Variants in ZNF106 observed in about 807,000 individuals in gnomAD.
The protein encoded by ZNF106 is zinc finger protein 106.
Under a neutral mutation model 195.1 loss-of-function variants are expected in ZNF106, and 67 were observed. The observed-to-expected ratio is 0.34, with a 90% CI of 0.28 to 0.42. The LOEUF is 0.42. Among genes scored for constraint, ZNF106 ranks in the 10% least tolerant of loss-of-function variants. The pLI is 1.00. For missense variants in ZNF106, 2,118 were observed against 2,304.5 expected (o/e 0.92, Z 1.66); for synonymous variants, 784 against 818.6 (o/e 0.96, Z 0.72).
intron 3 of ZNF106, 170 bp from the exon 4 acceptor site, chr15:42,457,328 G>A: frequency 1.4e-6 from 2 of 1,471,832 alleles, no homozygotes; most frequent in South Asian, 3.0e-5. Context: ...TTGTTTATAA[G>A]TTACTTTTGA....
chr15:42,472,295 C>T lies in ZNF106; in HGVS notation c.-6G>A. On this transcript the variant is annotated 5_prime_UTR_variant, in exon 2 of 22. Transcript: ENST00000564754. ...CATTTTCGTTCTCGTACCATAGTGACCAGATCTGAAGCACTCAACGTCACA... is the reference window on the plus strand; with the variant it reads ...CATTTTCGTTCTCGTACCATAGTGATCAGATCTGAAGCACTCAACGTCACA... 6.5e-7 allele frequency: 1 copy of T among 1,535,632 alleles called. No individual in the cohort carries two copies. The highest frequency in any genetic ancestry group is 8.7e-7 in the Non-Finnish European group (1 of 1,146,670).
chr15:42,452,997 T>G (rs2056100991), intron 4 of ZNF106, among the ~76,000 whole-genome samples: 1 of 152,094 alleles, frequency 6.6e-6, no homozygotes, highest in Non-Finnish European at 1.5e-5. Flanking sequence ...CCCGGCCTAG[T>G]TATCATATTT....
At chr15:42,463,138 C>G (rs1206928946) in intron 3 of ZNF106, among the ~76,000 whole-genome samples, 1 of 152,002 alleles carries the variant, frequency 6.6e-6, no homozygotes, top group Non-Finnish European at 1.5e-5. Context: ...TTAGTGACGT[C>G]TGAAATAAAT....
At chr15:42,454,732 AT>A (rs933200192) in intron 4 of ZNF106, among the ~76,000 whole-genome samples, 4 of 151,214 alleles carry the variant, frequency 2.6e-5, no homozygotes, top group African/African-American at 7.3e-5. Context: ...AAAAATAAAA[AT>A]AAAAAAAAAA....
Position 42,448,477 on chromosome 15 carries a change from C to T in ZNF106, c.2730G>A (p.Glu910=), listed in dbSNP as rs941079980. 2 of 1,614,124 alleles carry T rather than the reference C, an allele frequency of 1.2e-6. No individual in the cohort carries two copies. Among genetic ancestry groups the T allele is most frequent in the East Asian group, 2.2e-5 (1 of 44,882 alleles). Residue 910 remains glutamate (E), a synonymous_variant, in exon 6 of 22, where the codon GAG becomes GAA. Transcript: ENST00000564754. ...FSEEGTGKEN[E]PQQMVSPSNS... is the part of the protein sequence containing the mutation. ...TACTAGGTGAAACCATCTGCTGGGG[C>T]TCATTTTCTTTGCCTGTACCTTCCT...
At position 42,444,228 on chromosome 15, in the gene ZNF106, C is replaced by A. The variant is rs748672396; in HGVS notation, c.3395G>T (p.Arg1132Ile). The change falls in exon 9 of 22, where the codon AGA (arginine) becomes ATA (isoleucine). Residue 1132 changes from arginine (R) to isoleucine (I), a missense_variant. Physicochemically the swap from Arg to Ile is moderately conservative, Grantham distance 97. Transcript: ENST00000564754. ...TMEMSALRTH[R>I]IQILQGLQET... ...TTGTAATCCCTGTAGAATCTGTATT[C>A]TATGGGTCCTCAGTGCACTCATCTC... 1 of 1,597,814 alleles carries A rather than the reference C, an allele frequency of 6.3e-7. No homozygotes were observed. Among genetic ancestry groups the A allele is most frequent in the Non-Finnish European group, 8.5e-7 (1 of 1,170,008 alleles).
chr15:42,474,697 G>A (rs940210372), intron 1 of ZNF106, among the ~76,000 whole-genome samples: 1 of 152,062 alleles, frequency 6.6e-6, no homozygotes, highest in Admixed American at 6.6e-5. Context: ...GTTATAATGA[G>A]CTATGATTGT....
chr15:42,434,795 C>T (rs369326706), intron 14 of ZNF106, among the ~76,000 whole-genome samples: 65 of 138,054 alleles, frequency 4.7e-4, no homozygotes, highest in African/African-American at 1.5e-3. Context: ...TTTCCTGAGA[C>T]GGAGCTTCGC....
chr15:42,416,134 G>C lies in ZNF106; in HGVS notation c.*1170C>G, dbSNP rs1234892983. On this transcript the variant is annotated 3_prime_UTR_variant, in exon 22 of 22. Transcript: ENST00000564754. Reference sequence around the variant, plus strand: ...AAATCCAAAAACAAAGCCCCACTGAGGGTTTGTGAATTTGGCTGTTCTCAG... The same window carrying C: ...AAATCCAAAAACAAAGCCCCACTGACGGTTTGTGAATTTGGCTGTTCTCAG... 2 of 152,204 alleles carry C rather than the reference G, an allele frequency of 1.3e-5. No individual in the cohort carries two copies. The highest frequency in any genetic ancestry group is 2.9e-5 in the Non-Finnish European group (2 of 68,048). The allele number at this position is 152,204 out of a possible 1,614,324, so 9.4% of individuals were successfully genotyped here.
chr15:42,433,167 G>A (rs1290252452), intron 14 of ZNF106, among the ~76,000 whole-genome samples: 1 of 146,776 alleles, frequency 6.8e-6, no homozygotes, highest in South Asian at 2.2e-4. Context: ...GTGCAGTGGC[G>A]CAATCTCGGC....
At position 42,441,704 on chromosome 15, in the gene ZNF106, G is replaced by T. The variant is rs145095578; in HGVS notation, c.3763+369C>A. The T allele has an allele frequency of 6.0e-3, 971 of 162,638 alleles. 8 individuals carry two copies. Among genetic ancestry groups the T allele is most frequent in the African/African-American group, 0.022 (930 of 41,746 alleles). 10.1% of individuals were successfully genotyped at this position (162,638 alleles called of 1,614,324 possible). A position where few individuals can be genotyped will look rare whatever the true frequency, so the allele number is the denominator to read the frequency against. On this transcript the variant is annotated intron_variant, in intron 10 of 21. Transcript: ENST00000564754. The stretch of plus-strand genomic sequence containing the variant: ...CCTGGTTTGTATTTGAGATTATATA[G>T]ACAGTAAGTGCAAAGAAATTCAGAG...
rs775385418 is a variant in ZNF106 at position 42,437,248 on chromosome 15, C to T, written c.4730G>A (p.Arg1577Gln). 51 of 1,612,116 alleles carry T rather than the reference C, an allele frequency of 3.2e-5. No individual in the cohort carries two copies. Among genetic ancestry groups the T allele is most frequent in the Non-Finnish European group, 3.8e-5 (45 of 1,179,240 alleles). ...LYTCSADKTV[R>Q]VYNLVSRKCI... ...TCAACTTACCACCAGATTATAAACCCGAACAGTTTTATCTGCTGAACAGGT... is the reference window on the plus strand; with the variant it reads ...TCAACTTACCACCAGATTATAAACCTGAACAGTTTTATCTGCTGAACAGGT... The change falls in exon 13 of 22, where the codon CGG becomes CAG. Residue 1577 changes from arginine (R) to glutamine (Q), a missense_variant. Arg to Gln is a conservative substitution (Grantham distance 43). Coordinates refer to ENST00000564754, the MANE Select transcript of ZNF106 (RefSeq NM_001366845.3).
chr15:42,458,310 T>C (rs1037016244), intron 3 of ZNF106, among the ~76,000 whole-genome samples: 4 of 150,074 alleles, frequency 2.7e-5, no homozygotes, highest in East Asian at 3.9e-4. Flanking sequence ...TAACTAGACA[T>C]AGGCAGAATT....
chr15:42,442,550 C>T (rs1013798292), intron 9 of ZNF106, 136 bp from the exon 10 acceptor site: 1 of 660,908 alleles, frequency 1.5e-6, no homozygotes, highest in African/African-American at 1.8e-5. Context: ...TCATAATTCT[C>T]CGAAATATGG....
rs1400460101 is a variant in ZNF106 at position 42,484,413 on chromosome 15, T to C, written c.-33+6567A>G. 4.1e-4 allele frequency among the ~76,000 whole-genome samples: 62 copies of C among 152,308 alleles called. 1 individual carries two copies. On this transcript the variant is annotated intron_variant, in intron 1 of 21. Transcript: ENST00000564754. Reference sequence around the variant, plus strand: ...TATTAGAAGAATAAAACTATAAATATGACTACTACAAAATCAGACTAATAT... The same window carrying C: ...TATTAGAAGAATAAAACTATAAATACGACTACTACAAAATCAGACTAATAT...
chr15:42,463,506 G>A (rs1053962495), intron 3 of ZNF106, among the ~76,000 whole-genome samples: 1 of 152,030 alleles, frequency 6.6e-6, no homozygotes, highest in African/African-American at 2.4e-5. Context: ...AGACCACCCT[G>A]AGCAACAGAG....
chr15:42,477,890 C>CA (rs1435174739), intron 1 of ZNF106, among the ~76,000 whole-genome samples: 48 of 144,816 alleles, frequency 3.3e-4, no homozygotes, highest in South Asian at 2.6e-3. Flanking sequence ...AACTCAGCCT[C>CA]AAAAAAAACA....
Position 42,450,541 on chromosome 15 carries a change from G to C in ZNF106, c.1731C>G (p.Ser577Arg). The change falls in exon 5 of 22, where the codon AGC becomes AGG. Residue 577 changes from serine (S) to arginine (R), a missense_variant. Ser to Arg is a moderately radical substitution (Grantham distance 110, BLOSUM62 -1). Transcript: ENST00000564754. ...CHESLQNPLLSTSKSTRNYAK... is the reference protein window; with the variant it reads ...CHESLQNPLLRTSKSTRNYAK... ...CATAGTTCCTGGTACTTTTAGAAGTGCTAAGAAGTGGATTTTGCAATGACT... is the reference window on the plus strand; with the variant it reads ...CATAGTTCCTGGTACTTTTAGAAGTCCTAAGAAGTGGATTTTGCAATGACT... 1 of 1,614,138 alleles carries C rather than the reference G, an allele frequency of 6.2e-7. No individual in the cohort carries two copies. Among genetic ancestry groups the C allele is most frequent in the Non-Finnish European group, 8.5e-7 (1 of 1,180,032 alleles).
At chr15:42,443,869 G>T (rs2055653445) in intron 9 of ZNF106, among the ~76,000 whole-genome samples, 1 of 152,124 alleles carries the variant, frequency 6.6e-6, no homozygotes, top group African/African-American at 2.4e-5. Context: ...AACTTTGGGA[G>T]GCTGAGGCAG....
Sources: gnomAD v4.1 joint callset for allele counts (sites outside exome capture counted in the v4.1 genomes callset) on GRCh38, gnomAD v4.1.1 for gene constraint, MANE v1.5 for transcripts, NCBI Gene and HGNC (gene_info 2026-07-23, HGNC 2026-07-21) for gene names.